The following ABLIM2 variants were observed in gnomAD, a reference collection of about 807,000 sequenced individuals.
ABLIM2 encodes the protein actin binding LIM protein family member 2.
Under a neutral mutation model 97.7 loss-of-function variants are expected in ABLIM2, and 53 were observed. The ratio of observed to expected loss-of-function variants is 0.54; its 90% confidence interval spans 0.44 to 0.68. The LOEUF is 0.68. ABLIM2 is among the 30% of genes least tolerant of loss of function. The pLI, the probability that ABLIM2 is intolerant of heterozygous loss-of-function variation, is 0.00. For synonymous variants in ABLIM2, 361 were observed against 345.8 expected, an observed-to-expected ratio of 1.04 and a Z score of -0.49; for missense variants, 835 against 867.2, an observed-to-expected ratio of 0.96 and a Z score of 0.47.
intron 15 of ABLIM2, among the ~76,000 whole-genome samples, chr4:8,008,515 C>G (rs1242518399): frequency 1.3e-5 from 2 of 152,200 alleles, no homozygotes; most frequent in African/African-American, 4.8e-5. Flanking sequence ...CTGCCCAAGT[C>G]CAGCCTCGGG....
chr4:8,010,371 C>T (rs1209765994), intron 14 of ABLIM2: 4 of 985,800 alleles, frequency 4.1e-6, no homozygotes, highest in Non-Finnish European at 3.6e-6. Context: ...CCGTCTCCGT[C>T]CCCAGCCCGC....
intron 14 of ABLIM2, among the ~76,000 whole-genome samples, chr4:8,016,381 C>T (rs573476120): frequency 7.3e-4 from 111 of 152,228 alleles, no homozygotes; most frequent in Non-Finnish European, 1.5e-3. Context: ...CAGCTTCCCT[C>T]CCCTGAGGGA....
chr4:8,024,854 AG>A (rs1447695584), intron 12 of ABLIM2, among the ~76,000 whole-genome samples: 1 of 152,208 alleles, frequency 6.6e-6, no homozygotes, highest in Non-Finnish European at 1.5e-5. Flanking sequence ...GGAGTCTAGT[AG>A]GGGCAGAGCA....
At chr4:8,151,413 A>G (rs1038650748) in intron 1 of ABLIM2, among the ~76,000 whole-genome samples, 2 of 152,134 alleles carry the variant, frequency 1.3e-5, no homozygotes, top group African/African-American at 4.8e-5. Context: ...CACAGACGCG[A>G]GGGACCCAGC....
At chr4:7,968,699 G>A (rs1215192676) in intron 20 of ABLIM2, among the ~76,000 whole-genome samples, 2 of 152,222 alleles carry the variant, frequency 1.3e-5, no homozygotes, top group African/African-American at 2.4e-5. Context: ...GGGAGGGACT[G>A]TTTAACGGAT....
rs931162726 is a variant in ABLIM2 at position 8,083,743 on chromosome 4, T to C, written c.455-2941A>G. On this transcript the variant is annotated intron_variant, in intron 4 of 20. Transcript: ENST00000447017. The surrounding 1 kb of genome is among the most constrained non-coding windows in gnomAD (Gnocchi z 4.6). ...GACTAGAGCTGTCAGCGGCAGGATGTCCCTAGCAGGGCAGAAGGGGCCCCA... is the reference window on the plus strand; with the variant it reads ...GACTAGAGCTGTCAGCGGCAGGATGCCCCTAGCAGGGCAGAAGGGGCCCCA... Among the ~76,000 whole-genome samples the C allele has an allele frequency of 1.6e-4, 24 of 152,086 alleles. No homozygotes were observed. Among genetic ancestry groups the C allele is most frequent in the African/African-American group, 4.8e-4 (20 of 41,408 alleles).
intron 6 of ABLIM2, among the ~76,000 whole-genome samples, chr4:8,064,538 G>T (rs775127019): frequency 1.3e-5 from 2 of 152,202 alleles, no homozygotes; most frequent in African/African-American, 2.4e-5. Context: ...CATCACTTTA[G>T]GAAATCCATC....
chr4:8,056,881 A>G (rs1326531439), intron 7 of ABLIM2, among the ~76,000 whole-genome samples: 3 of 139,944 alleles, frequency 2.1e-5, no homozygotes, highest in Non-Finnish European at 4.5e-5. Context: ...GCAGTGAGCC[A>G]AGATCGCACC....
rs1010667306 is a variant in ABLIM2 at position 7,977,043 on chromosome 4, C to T, written c.1824+6221G>A. On this transcript the variant is annotated intron_variant, in intron 20 of 20. Coordinates refer to ENST00000447017, the MANE Select transcript of ABLIM2 (RefSeq NM_001130083.2). Reference sequence around the variant, plus strand: ...TCTCAAATTGTAATCCCCATAATCCCCACATGTGGAGGGAGGGACCTGGTG... The same window carrying T: ...TCTCAAATTGTAATCCCCATAATCCTCACATGTGGAGGGAGGGACCTGGTG... 7.9e-5 allele frequency among the ~76,000 whole-genome samples: 12 copies of T among 152,180 alleles called. 1 individual carries two copies. Among genetic ancestry groups the T allele is most frequent in the Admixed American group, 7.9e-4 (12 of 15,276 alleles).
intron 6 of ABLIM2, among the ~76,000 whole-genome samples, chr4:8,065,830 A>G (rs1460683873): frequency 6.6e-6 from 1 of 151,956 alleles, no homozygotes; most frequent in Non-Finnish European, 1.5e-5. Context: ...AGGCTGAGAC[A>G]GGAGAATTGC....
intron 1 of ABLIM2, among the ~76,000 whole-genome samples, chr4:8,142,368 G>A (rs542145501): frequency 3.9e-5 from 6 of 152,294 alleles, no homozygotes; most frequent in South Asian, 2.1e-4. Context: ...GGCCAGCACC[G>A]AGGTGCAGCC....
intron 10 of ABLIM2, among the ~76,000 whole-genome samples, chr4:8,035,065 CAGGTGAGTGGGTGGCAG>C (rs1783737582): frequency 1.4e-5 from 1 of 71,834 alleles, no homozygotes; most frequent in African/African-American, 4.5e-5. Flanking sequence ...TAGGTGGGTG[CAGGTGAGTGGGTGGCAG>C]GTAGGTGGGT....
intron 15 of ABLIM2, 141 bp from the exon 16 acceptor site, chr4:8,008,341 C>T (rs75370358): frequency 0.055 from 42,793 of 773,954 alleles, 1,453 homozygotes; most frequent in Middle Eastern, 0.088. Flanking sequence ...GTGAGAGATG[C>T]AGCTTTCAAT....
intron 1 of ABLIM2, among the ~76,000 whole-genome samples, chr4:8,153,397 G>T (rs563145026): frequency 1.3e-5 from 2 of 152,336 alleles, no homozygotes; most frequent in South Asian, 2.1e-4. Flanking sequence ...GCCAGGTTAG[G>T]AAGGAACCCT....
At chr4:8,143,159 T>A in intron 1 of ABLIM2, among the ~76,000 whole-genome samples, 1 of 61,400 alleles carries the variant, frequency 1.6e-5, no homozygotes, top group Non-Finnish European at 3.3e-5. Flanking sequence ...GGGGCGAGAG[T>A]GGGGGGGGGG....
chr4:8,119,320 CCTT>C (rs1229876088), intron 1 of ABLIM2, among the ~76,000 whole-genome samples: 4 of 141,840 alleles, frequency 2.8e-5, no homozygotes, highest in Non-Finnish European at 3.0e-5. Flanking sequence ...TCTCGGGCTT[CCTT>C]CTTTTTTTTT....
At chr4:8,039,879 T>G (rs994030487) in intron 9 of ABLIM2, among the ~76,000 whole-genome samples, 1 of 140,896 alleles carries the variant, frequency 7.1e-6, no homozygotes, top group African/African-American at 2.7e-5. Flanking sequence ...TTACTGTTTT[T>G]TTTTTTTTTT....
chr4:8,080,803 C>A lies in ABLIM2; in HGVS notation c.455-1G>T. On this transcript the variant is annotated splice_acceptor_variant, in intron 4 of 20. Coordinates refer to ENST00000447017, the MANE Select transcript of ABLIM2 (RefSeq NM_001130083.2). LOFTEE classifies it high-confidence loss of function. Reference sequence around the variant, plus strand: ...ATTTCTGTGCCGCAGCCCCCACAACCTGGAAGAAAGAGAAGAGAACACAGA... The same window carrying A: ...ATTTCTGTGCCGCAGCCCCCACAACATGGAAGAAAGAGAAGAGAACACAGA... 6.2e-7 allele frequency: 1 copy of A among 1,605,340 alleles called. No homozygotes were observed.
Position 8,033,580 on chromosome 4 carries a change from C to A in ABLIM2, c.1047+2569G>T, listed in dbSNP as rs1015319385. 6.6e-6 allele frequency among the ~76,000 whole-genome samples: 1 copy of A among 152,128 alleles called. No individual in the cohort carries two copies. Among genetic ancestry groups the A allele is most frequent in the South Asian group, 2.1e-4 (1 of 4,824 alleles). On this transcript the variant is annotated intron_variant, in intron 10 of 20. Coordinates refer to ENST00000447017, the MANE Select transcript of ABLIM2 (RefSeq NM_001130083.2). This position sits in a 1 kb window ranked among gnomAD's most constrained non-coding sequence, Gnocchi z 4.5. ...TGGGGTCGCACTTTATGGCTGAGAG[C>A]GGAAGCTCACACACAGGTGCCACTG...
Sources: gnomAD v4.1 joint callset for allele counts (sites outside exome capture counted in the v4.1 genomes callset) on GRCh38, gnomAD v4.1.1 for gene constraint, Gnocchi (gnomAD v3.1) non-coding constraint, MANE v1.5 for transcripts, NCBI Gene and HGNC (gene_info 2026-07-23, HGNC 2026-07-21) for gene names.